The following GPC5 variants were observed in gnomAD, a reference collection of about 807,000 sequenced individuals.
GPC5 encodes glypican-5.
A neutral mutation model predicts 53.9 loss-of-function variants in GPC5; 47 were observed. The ratio of observed to expected loss-of-function variants is 0.87; its 90% confidence interval spans 0.69 to 1.11. The LOEUF is 1.11. Among genes scored for constraint, GPC5 ranks in the 50% most tolerant of loss-of-function variants. GPC5 has a pLI of 0.00. For missense variants in GPC5, 748 were observed against 713.1 expected (o/e 1.05, Z -0.56); for synonymous variants, 286 against 263.3 (o/e 1.09, Z -0.84).
chr13:91,419,543 G>T (rs1365035305), intron 1 of GPC5, among the ~76,000 whole-genome samples: 2 of 152,074 alleles, frequency 1.3e-5, no homozygotes, highest in African/African-American at 2.4e-5. Context: ...AATTTTCATG[G>T]ATTTTTCTAA....
intron 7 of GPC5, among the ~76,000 whole-genome samples, chr13:92,747,966 C>T (rs534307900): frequency 7.4e-4 from 113 of 152,252 alleles, no homozygotes; most frequent in Non-Finnish European, 1.2e-3. Flanking sequence ...AAAAATTATA[C>T]ATATATATGT....
At chr13:92,803,144 A>G (rs931130911) in intron 7 of GPC5, among the ~76,000 whole-genome samples, 1 of 151,954 alleles carries the variant, frequency 6.6e-6, no homozygotes, top group African/African-American at 2.4e-5. Context: ...ACTTTCCTCA[A>G]TAAGTTATTA....
intron 2 of GPC5, among the ~76,000 whole-genome samples, chr13:91,578,327 T>C (rs1335529272): frequency 6.6e-6 from 1 of 152,212 alleles, no homozygotes; most frequent in African/African-American, 2.4e-5. Flanking sequence ...AGCTGTGAGA[T>C]AATATATATT....
rs146454173 is a variant in GPC5 at position 92,863,738 on chromosome 13, C to T, written c.1562-2544C>T. Among the ~76,000 whole-genome samples, 572 of 152,256 alleles carry T rather than the reference C, an allele frequency of 3.8e-3. 3 individuals carry two copies. The highest frequency in any genetic ancestry group is 0.013 in the African/African-American group (535 of 41,566). On this transcript the variant is annotated intron_variant, in intron 7 of 7. Coordinates refer to ENST00000377067, the MANE Select transcript of GPC5 (RefSeq NM_004466.6). ...GTACTCCCGACCTCAGGTGATCTGC[C>T]TGCATCAGCCTCCCAAAGTGCTGAG...
chr13:92,211,836 G>A (rs77962097), intron 7 of GPC5, among the ~76,000 whole-genome samples: 26 of 152,240 alleles, frequency 1.7e-4, no homozygotes, highest in Non-Finnish European at 3.1e-4. Context: ...GAAAGGTTTC[G>A]TCTGTTCCTA....
intron 7 of GPC5, among the ~76,000 whole-genome samples, chr13:92,713,353 G>A (rs974341409): frequency 2.0e-5 from 3 of 151,782 alleles, no homozygotes. Flanking sequence ...AGCACTTTGG[G>A]AGGCTGAGGC....
chr13:91,586,566 AGAGAG>A (rs1566530384), intron 2 of GPC5, among the ~76,000 whole-genome samples: 8 of 54,000 alleles, frequency 1.5e-4, no homozygotes, highest in Middle Eastern at 8.6e-3. Context: ...ATATATGTAG[AGAGAG>A]AGAGAGAGAG....
At chr13:91,680,264 C>T (rs1566604299) in intron 2 of GPC5, among the ~76,000 whole-genome samples, 1 of 152,142 alleles carries the variant, frequency 6.6e-6, no homozygotes, top group Admixed American at 6.5e-5. Context: ...GCTTGGCCAA[C>T]ATGGTGAAAC....
intron 2 of GPC5, among the ~76,000 whole-genome samples, chr13:91,525,778 A>T (rs1043295066): frequency 6.6e-6 from 1 of 152,198 alleles, no homozygotes; most frequent in Admixed American, 6.5e-5. Context: ...TGTTTTTCTA[A>T]CAATAATGTC....
At position 91,760,153 on chromosome 13, in the gene GPC5, C is replaced by T. The variant is rs191706788; in HGVS notation, c.1280+3733C>T. 1.4e-3 allele frequency among the ~76,000 whole-genome samples: 206 copies of T among 152,044 alleles called. 1 individual carries two copies. In the Middle Eastern group the frequency reaches 0.031, roughly 23 times the overall value. Reference sequence around the variant, plus strand: ...GTAAAAATTAACGTTGTAAAAAGTGCTATTTATACATTTAATTTCTACTAA... The same window carrying T: ...GTAAAAATTAACGTTGTAAAAAGTGTTATTTATACATTTAATTTCTACTAA... On this transcript the variant is annotated intron_variant, in intron 5 of 7. Transcript: ENST00000377067.
At chr13:92,223,329 GATAAA>G (rs1165330294) in intron 7 of GPC5, among the ~76,000 whole-genome samples, 1 of 152,094 alleles carries the variant, frequency 6.6e-6, no homozygotes, top group Non-Finnish European at 1.5e-5. Flanking sequence ...CTATTCTGGA[GATAAA>G]ATAAATTTGA....
At chr13:92,725,280 T>A (rs948850445) in intron 7 of GPC5, among the ~76,000 whole-genome samples, 5 of 151,548 alleles carry the variant, frequency 3.3e-5, no homozygotes, top group African/African-American at 1.2e-4. Context: ...TGACATAAAC[T>A]GTCTAAATAT....
At chr13:92,708,854 C>T (rs1387586746) in intron 7 of GPC5, among the ~76,000 whole-genome samples, 8 of 100,718 alleles carry the variant, frequency 7.9e-5, no homozygotes, top group Non-Finnish European at 1.4e-4. Context: ...AGCTGGAAAC[C>T]GCCTTTTTTT....
At position 92,835,776 on chromosome 13, in the gene GPC5, T is replaced by C. The variant is rs1878198654; in HGVS notation, c.1562-30506T>C. ...TAGAATATTTAGTATCATGAGACTC[T>C]TAAAGCTCAAATGCTCAACATCTTC... On this transcript the variant is annotated intron_variant, in intron 7 of 7. Transcript: ENST00000377067. Among the ~76,000 whole-genome samples, 4 of 152,006 alleles carry C rather than the reference T, an allele frequency of 2.6e-5. No homozygotes were observed. In the South Asian group the frequency reaches 8.3e-4, roughly 31 times the overall value.
In GPC5 at chr13:92,291,232, C is replaced by T. The variant is rs191094430; in HGVS notation, c.1561+146243C>T. On this transcript the variant is annotated intron_variant, in intron 7 of 7. Transcript: ENST00000377067. ...CCACCCAAGGGCTGAGGAGTGCGGG[C>T]GCATGGCACGGGACTGACAGGCAGC... Among the ~76,000 whole-genome samples the T allele has an allele frequency of 5.5e-3, 845 of 152,266 alleles. 8 individuals carry two copies. Among genetic ancestry groups the T allele is most frequent in the African/African-American group, 0.018 (745 of 41,550 alleles).
chr13:92,733,574 A>G (rs545202826), intron 7 of GPC5, among the ~76,000 whole-genome samples: 4 of 151,894 alleles, frequency 2.6e-5, no homozygotes, highest in African/African-American at 9.6e-5. Flanking sequence ...AATGCAAGAA[A>G]TATTTAATAA....
At position 91,398,721 on chromosome 13, in the gene GPC5, G is replaced by T; in HGVS notation, c.-326G>T. The T allele has an allele frequency of 3.5e-6, 1 of 284,374 alleles. No homozygotes were observed. Among genetic ancestry groups the T allele is most frequent in the Non-Finnish European group, 6.5e-6 (1 of 154,042 alleles). 17.6% of individuals were successfully genotyped at this position (284,374 alleles called of 1,614,324 possible). A position where few individuals can be genotyped will look rare whatever the true frequency, so the allele number is the denominator to read the frequency against. The stretch of plus-strand genomic sequence containing the variant: ...AGTGGCGGCAGCGGCAGCAGTTGCA[G>T]CAGTGGTGGCCAGAGCGGATGCTTG... On this transcript the variant is annotated 5_prime_UTR_variant, in exon 1 of 8. Transcript: ENST00000377067.
intron 2 of GPC5, among the ~76,000 whole-genome samples, chr13:91,479,495 A>T (rs1883188850): frequency 6.6e-6 from 1 of 152,168 alleles, no homozygotes; most frequent in African/African-American, 2.4e-5. Context: ...AGAATAAAGA[A>T]AAACAGGATC....
At chr13:91,639,772 A>G (rs772605404) in intron 2 of GPC5, among the ~76,000 whole-genome samples, 33 of 152,218 alleles carry the variant, frequency 2.2e-4, no homozygotes, top group African/African-American at 5.8e-4. Context: ...CATGGAGGAC[A>G]TATAGTATTC....
Sources: allele counts gnomAD v4.1 joint callset (sites outside exome capture counted in the v4.1 genomes callset), GRCh38; gene constraint gnomAD v4.1.1; transcripts MANE v1.5; gene names NCBI Gene and HGNC (gene_info 2026-07-23, HGNC 2026-07-21).